ADGRB3: variants seen among roughly 807,000 people sequenced by gnomAD.
ADGRB3 encodes the protein brain-specific angiogenesis inhibitor 3.
Under a neutral mutation model 193.4 loss-of-function variants are expected in ADGRB3, and 37 were observed. The observed-to-expected ratio is 0.19, with a 90% confidence interval of 0.15 to 0.25. The LOEUF is 0.25. Among genes scored for constraint, ADGRB3 ranks in the 10% least tolerant of loss-of-function variants. ADGRB3 has a pLI of 1.00. For synonymous variants in ADGRB3, 690 were observed against 644.2 expected (o/e 1.07, Z -1.08); for missense variants, 1,637 against 1,852.9 (o/e 0.88, Z 2.14).
At chr6:69,055,223 T>C (rs1771510046) in intron 15 of ADGRB3, among the ~76,000 whole-genome samples, 2 of 152,198 alleles carry the variant, frequency 1.3e-5, no homozygotes, top group Non-Finnish European at 2.9e-5. Context: ...TATGCACTTG[T>C]GTAACATCTC....
At chr6:69,363,122 T>A (rs562704397) in intron 29 of ADGRB3, among the ~76,000 whole-genome samples, 49 of 152,130 alleles carry the variant, frequency 3.2e-4, no homozygotes, top group African/African-American at 1.2e-3. Context: ...CAATAGACTG[T>A]ATTTCCAAGA....
chr6:69,238,091 C>T (rs1454174702), intron 19 of ADGRB3, among the ~76,000 whole-genome samples: 1 of 151,930 alleles, frequency 6.6e-6, no homozygotes, highest in African/African-American at 2.4e-5. Context: ...TCCTCAAAGA[C>T]AGGGAGAGAG....
At chr6:68,875,888 T>C (rs2150222149) in intron 3 of ADGRB3, among the ~76,000 whole-genome samples, 1 of 151,718 alleles carries the variant, frequency 6.6e-6, no homozygotes, top group East Asian at 1.9e-4. Flanking sequence ...TATACCATAT[T>C]TCCCCCATAT....
intron 3 of ADGRB3, among the ~76,000 whole-genome samples, chr6:68,876,080 A>G (rs1765587090): frequency 6.6e-6 from 1 of 152,134 alleles, no homozygotes; most frequent in Non-Finnish European, 1.5e-5. Flanking sequence ...AATTTTAAAT[A>G]TAAATAATTT....
chr6:69,204,636 A>G (rs1765497889), intron 17 of ADGRB3, among the ~76,000 whole-genome samples: 1 of 152,204 alleles, frequency 6.6e-6, no homozygotes. Flanking sequence ...AGCTGGGTTC[A>G]TAAAATTAAT....
intron 13 of ADGRB3, among the ~76,000 whole-genome samples, chr6:69,030,135 G>T (rs1770594238): frequency 6.6e-6 from 1 of 152,060 alleles, no homozygotes; most frequent in East Asian, 1.9e-4. Context: ...AGAGGATGTG[G>T]AGAAATAGGA....
At chr6:69,110,305 A>G (rs1313478495) in intron 17 of ADGRB3, among the ~76,000 whole-genome samples, 2 of 152,182 alleles carry the variant, frequency 1.3e-5, no homozygotes, top group African/African-American at 4.8e-5. Context: ...GTCCATGCTT[A>G]CTATAATGAA....
intron 3 of ADGRB3, among the ~76,000 whole-genome samples, chr6:68,684,362 T>C (rs758600411): frequency 1.3e-5 from 2 of 152,220 alleles, no homozygotes; most frequent in Non-Finnish European, 2.9e-5. Context: ...TTCTATTGCA[T>C]TGTTACAGTT....
intron 14 of ADGRB3, among the ~76,000 whole-genome samples, chr6:69,048,828 C>T (rs1771311137): frequency 1.3e-5 from 2 of 152,104 alleles, no homozygotes; most frequent in South Asian, 4.1e-4. Context: ...GGCACATGTA[C>T]TCCTGAACTT....
At chr6:68,694,261 T>C (rs571930773) in intron 3 of ADGRB3, among the ~76,000 whole-genome samples, 3 of 152,170 alleles carry the variant, frequency 2.0e-5, no homozygotes, top group Non-Finnish European at 4.4e-5. Context: ...TGAATTGACA[T>C]ATTGCACCTT....
chr6:69,353,825 G>A (rs1156495170), intron 26 of ADGRB3, among the ~76,000 whole-genome samples: 3 of 152,006 alleles, frequency 2.0e-5, no homozygotes, highest in African/African-American at 7.2e-5. Flanking sequence ...GCACTTTGAG[G>A]GGCCGAGGTG....
At position 68,816,361 on chromosome 6, in the gene ADGRB3, A is replaced by G. The variant is rs940240986; in HGVS notation, c.758-114198A>G. 7.8e-4 allele frequency among the ~76,000 whole-genome samples: 88 copies of G among 112,544 alleles called. 1 individual carries two copies. The highest frequency in any genetic ancestry group is 3.4e-3 in the African/African-American group (79 of 23,390). The allele number at this position is 112,544 out of a possible 152,430, so 73.8% of individuals were successfully genotyped here. On this transcript the variant is annotated intron_variant, in intron 3 of 31. Transcript: ENST00000370598. ...GTTAAATGTAGAGTTATTAGAAAAT[A>G]TAACTGAGTATTTATAACTAATTAT...
chr6:68,993,667 T>G (rs1221037253), intron 10 of ADGRB3, 101 bp from the exon 11 acceptor site: 8 of 1,236,990 alleles, frequency 6.5e-6, no homozygotes, highest in Non-Finnish European at 9.1e-6. Flanking sequence ...AAGGCTATTT[T>G]AAGTTAATTG....
chr6:69,109,202 G>T (rs914835014), intron 17 of ADGRB3, among the ~76,000 whole-genome samples: 2 of 152,114 alleles, frequency 1.3e-5, no homozygotes, highest in African/African-American at 4.8e-5. Context: ...TTTAGACAAG[G>T]TTGAATTTCT....
At chr6:68,897,342 CA>C (rs1766246350) in intron 3 of ADGRB3, among the ~76,000 whole-genome samples, 1 of 141,042 alleles carries the variant, frequency 7.1e-6, no homozygotes, top group Admixed American at 7.5e-5. Context: ...GCCTGGGCAA[CA>C]GAGGTTATTT....
At chr6:69,135,042 G>T (rs1449858522) in intron 17 of ADGRB3, among the ~76,000 whole-genome samples, 1 of 151,818 alleles carries the variant, frequency 6.6e-6, no homozygotes, top group African/African-American at 2.4e-5. Flanking sequence ...TTTCTGAGGG[G>T]TATAAATTTC....
chr6:69,203,354 G>C (rs751822232), intron 17 of ADGRB3, among the ~76,000 whole-genome samples: 1 of 152,066 alleles, frequency 6.6e-6, no homozygotes, highest in African/African-American at 2.4e-5. Flanking sequence ...CCAGGATTGA[G>C]TGGTGACCTT....
chr6:69,151,247 C>T (rs1774672052), intron 17 of ADGRB3, among the ~76,000 whole-genome samples: 1 of 152,146 alleles, frequency 6.6e-6, no homozygotes, highest in South Asian at 2.1e-4. Flanking sequence ...AGCCCTTTAT[C>T]CCAGAGTGTC....
intron 3 of ADGRB3, among the ~76,000 whole-genome samples, chr6:68,739,804 A>G (rs1765942212): frequency 6.6e-6 from 1 of 152,212 alleles, no homozygotes; most frequent in Admixed American, 6.5e-5. Flanking sequence ...ACACACATCA[A>G]GCCATCACAT....
Sources: allele counts gnomAD v4.1 joint callset (sites outside exome capture counted in the v4.1 genomes callset), GRCh38; gene constraint gnomAD v4.1.1; transcripts MANE v1.5; gene names NCBI Gene and HGNC (gene_info 2026-07-23, HGNC 2026-07-21).